Variants in SCAF4 observed in about 807,000 individuals in gnomAD.
The protein encoded by SCAF4 is SR-related CTD associated factor 4.
A neutral mutation model predicts 129.8 loss-of-function variants in SCAF4; 25 were observed. The ratio of observed to expected loss-of-function variants is 0.19; its 90% CI spans 0.14 to 0.27. The LOEUF (loss-of-function observed/expected upper bound fraction) is 0.27. Among genes scored for constraint, SCAF4 ranks in the 10% least tolerant of loss-of-function variants. The probability of loss-of-function intolerance (pLI) is 1.00; values close to 1 mark genes in which losing one functional copy is unlikely to be tolerated. For synonymous variants in SCAF4, 551 were observed against 497.7 expected, an observed-to-expected ratio of 1.11 and a Z score of -1.43; for missense variants, 1,246 against 1,457.1, an observed-to-expected ratio of 0.86 and a Z score of 2.36.
chr21:31,674,408 GTAAA>G (rs1229534120), intron 19 of SCAF4, among the ~76,000 whole-genome samples: 1 of 151,974 alleles, frequency 6.6e-6, no homozygotes, highest in Non-Finnish European at 1.5e-5. Flanking sequence ...TCCCTTCTTC[GTAAA>G]TAAAGCTAAA....
intron 9 of SCAF4, 62 bp downstream of exon 9, chr21:31,696,051 T>C (rs2050377302): frequency 8.3e-7 from 1 of 1,210,302 alleles, no homozygotes; most frequent in African/African-American, 1.5e-5. Context: ...CTCTGTGGAA[T>C]GCAAACCATA....
Position 31,694,831 on chromosome 21 carries a change from T to C in SCAF4, c.1218A>G (p.Thr406=). ...ASFQAQNEPL[T]QKPHQQEMEV... Reference sequence around the variant, plus strand: ...GTTTTACCTGCTGATGCGGCTTCTGTGTAAGTGGTTCATTTTGTGCCTGAA... The same window carrying C: ...GTTTTACCTGCTGATGCGGCTTCTGCGTAAGTGGTTCATTTTGTGCCTGAA... The change falls in exon 10 of 20, where the codon ACA becomes ACG. Residue 406 remains threonine, a synonymous_variant. Coordinates refer to ENST00000286835, the MANE Select transcript of SCAF4 (RefSeq NM_020706.2). 6.2e-7 allele frequency: 1 copy of C among 1,614,086 alleles called. No individual in the cohort carries two copies. Among genetic ancestry groups the C allele is most frequent in the East Asian group, 2.2e-5 (1 of 44,874 alleles).
intron 19 of SCAF4, among the ~76,000 whole-genome samples, chr21:31,682,286 C>T (rs2050014438): frequency 2.0e-5 from 3 of 151,446 alleles, no homozygotes; most frequent in South Asian, 2.1e-4. Flanking sequence ...GGCTGAGGCA[C>T]GAGAATCGCT....
At chr21:31,706,570 G>A (rs1371423374) in intron 1 of SCAF4, 13 of 535,758 alleles carry the variant, frequency 2.4e-5, no homozygotes, top group Non-Finnish European at 1.6e-5. Context: ...AAGAAGGTTA[G>A]CTCTGCCAAA....
intron 13 of SCAF4, 32 bp downstream of exon 13, chr21:31,692,317 C>T (rs762177998): frequency 1.3e-6 from 2 of 1,487,658 alleles, no homozygotes; most frequent in East Asian, 2.3e-5. Context: ...CACACCTGTC[C>T]ATCGTACTTA....
At position 31,695,022 on chromosome 21, in the gene SCAF4, A is replaced by C. The variant is rs778151821; in HGVS notation, c.1069-42T>G. On this transcript the variant is annotated intron_variant, in intron 9 of 19. Coordinates refer to ENST00000286835, the MANE Select transcript of SCAF4 (RefSeq NM_020706.2). ...AAGTGTATGAGTAATAGCTATCAAA[A>C]TAATTTGGAAAACCTTTAGTTATAT... 6 of 1,534,020 alleles carry C rather than the reference A, an allele frequency of 3.9e-6. No individual in the cohort carries two copies. The Admixed American group carries it at 1.2e-4, about 31-fold the overall frequency.
intron 1 of SCAF4, among the ~76,000 whole-genome samples, chr21:31,719,591 GC>G (rs2051022195): frequency 6.6e-6 from 1 of 151,880 alleles, no homozygotes; most frequent in Non-Finnish European, 1.5e-5. Context: ...CACAACCTCC[GC>G]CTCCTGGGTC....
At chr21:31,677,987 G>C (rs1049356785) in intron 19 of SCAF4, among the ~76,000 whole-genome samples, 3 of 151,544 alleles carry the variant, frequency 2.0e-5, no homozygotes, top group Non-Finnish European at 4.4e-5. Context: ...TAGTCTCACA[G>C]CATCATATTC....
At chr21:31,721,516 G>A (rs575424920) in intron 1 of SCAF4, among the ~76,000 whole-genome samples, 1 of 152,138 alleles carries the variant, frequency 6.6e-6, no homozygotes, top group Non-Finnish European at 1.5e-5. Context: ...ATGACAGAAT[G>A]CATTAAGATA....
chr21:31,671,991 G>C lies in SCAF4; in HGVS notation c.2852C>G (p.Pro951Arg), dbSNP rs535235907. 6.2e-7 allele frequency: 1 copy of C among 1,611,792 alleles called. No individual in the cohort carries two copies. Among genetic ancestry groups the C allele is most frequent in the East Asian group, 2.2e-5 (1 of 44,826 alleles). ...TGGTTGCTGGGGCGCCTGCGGCTGT[G>C]GCTGCTGCTGTGGCTGCTGCGGCGG... Reference protein sequence around the residue: ...QQPPQQPQQQPQPQAPQQPQQ... With the variant: ...QQPPQQPQQQRQPQAPQQPQQ... Residue 951 changes from proline to arginine, a missense_variant, in exon 20 of 20, where the codon CCA becomes CGA. Physicochemically the swap from Pro to Arg is moderately radical, Grantham distance 103. Around this residue, in one of 6 missense-constraint regions of SCAF4, gnomAD observed 339 missense variants for 325.0 expected, o/e 1.04. Coordinates refer to ENST00000286835, the MANE Select transcript of SCAF4 (RefSeq NM_020706.2).
At chr21:31,695,672 G>A (rs1359509136) in intron 9 of SCAF4, among the ~76,000 whole-genome samples, 2 of 152,098 alleles carry the variant, frequency 1.3e-5, no homozygotes, top group African/African-American at 4.8e-5. Flanking sequence ...GAATTTACTG[G>A]AACAAATTTA....
intron 1 of SCAF4, among the ~76,000 whole-genome samples, chr21:31,724,951 C>A (rs1480286820): frequency 1.3e-5 from 2 of 152,218 alleles, no homozygotes; most frequent in African/African-American, 2.4e-5. Context: ...AACCCCGCTA[C>A]AGAAAGCTCT....
intron 1 of SCAF4, among the ~76,000 whole-genome samples, chr21:31,719,869 C>T (rs1283023798): frequency 1.3e-5 from 2 of 152,210 alleles, no homozygotes; most frequent in Non-Finnish European, 2.9e-5. Flanking sequence ...CTCAAACTTT[C>T]CACTTTTAGA....
In SCAF4 at chr21:31,672,066, C is replaced by T; in HGVS notation, c.2777G>A (p.Gly926Asp). The change falls in exon 20 of 20, where the codon GGC becomes GAC. Residue 926 changes from glycine (G) to aspartate (D), a missense_variant. Gly to Asp is a moderately conservative substitution (Grantham distance 94). Around this residue, in one of 6 missense-constraint regions of SCAF4, gnomAD observed 339 missense variants for 325.0 expected, o/e 1.04. Transcript: ENST00000286835. ...VRPGGMPGLGGPGPGPGGPED... is the reference protein window; with the variant it reads ...VRPGGMPGLGDPGPGPGGPED... Reference sequence around the variant, plus strand: ...AGGACCCCCTGGGCCTGGCCCTGGGCCCCCGAGCCCTGGCATTCCACCAGG... The same window carrying T: ...AGGACCCCCTGGGCCTGGCCCTGGGTCCCCGAGCCCTGGCATTCCACCAGG... 1 of 1,613,132 alleles carries T rather than the reference C, an allele frequency of 6.2e-7. No homozygotes were observed. Among genetic ancestry groups the T allele is most frequent in the South Asian group, 1.1e-5 (1 of 91,066 alleles).
chr21:31,692,263 G>T, intron 13 of SCAF4, 86 bp downstream of exon 13: 1 of 1,000,882 alleles, frequency 1.0e-6, no homozygotes, highest in Non-Finnish European at 1.6e-6. Flanking sequence ...TGGGCAAATT[G>T]TAACTTTGGT....
intron 1 of SCAF4, among the ~76,000 whole-genome samples, chr21:31,708,846 AAAGTAG>A (rs1450722978): frequency 6.6e-6 from 1 of 152,228 alleles, no homozygotes; most frequent in East Asian, 1.9e-4. Context: ...CTTTAATAAT[AAAGTAG>A]AAGCAATAAG....
chr21:31,725,078 T>C (rs937894424), intron 1 of SCAF4, among the ~76,000 whole-genome samples: 1 of 152,126 alleles, frequency 6.6e-6, no homozygotes, highest in Non-Finnish European at 1.5e-5. Context: ...ACTTTCAACA[T>C]TCAAAAACTC....
At chr21:31,678,400 T>C (rs572584066) in intron 19 of SCAF4, among the ~76,000 whole-genome samples, 6 of 152,230 alleles carry the variant, frequency 3.9e-5, no homozygotes, top group South Asian at 2.1e-4. Context: ...ATCACCTCCA[T>C]TGCACCAGCC....
chr21:31,716,745 T>A (rs1019037772), intron 1 of SCAF4, among the ~76,000 whole-genome samples: 3 of 152,184 alleles, frequency 2.0e-5, no homozygotes, highest in Admixed American at 6.5e-5. Context: ...TAACCTGGTA[T>A]TTCATCTTAT....
Sources: allele counts gnomAD v4.1 joint callset (sites outside exome capture counted in the v4.1 genomes callset), GRCh38; gene constraint gnomAD v4.1.1; regional missense constraint gnomAD v4.1.1; transcripts MANE v1.5; gene names NCBI Gene and HGNC (gene_info 2026-07-23, HGNC 2026-07-21).